Variants in SLIT3 observed in about 807,000 individuals in gnomAD.
SLIT3 encodes slit homolog 3 protein.
A neutral mutation model predicts 184.0 loss-of-function variants in SLIT3; 68 were observed. The ratio of observed to expected loss-of-function variants is 0.37; its 90% CI spans 0.30 to 0.45. The LOEUF is 0.45. SLIT3 is among the 20% of genes least tolerant of loss of function. SLIT3 has a pLI of 1.00. For synonymous variants in SLIT3, 831 were observed against 828.6 expected (o/e 1.00, Z -0.05); for missense variants, 1,707 against 2,026.0 (o/e 0.84, Z 3.02).
chr5:169,279,529 ACT>A (rs1271165768), intron 1 of SLIT3, among the ~76,000 whole-genome samples: 2 of 152,130 alleles, frequency 1.3e-5, no homozygotes, highest in African/African-American at 4.8e-5. Flanking sequence ...ATTAGGATGA[ACT>A]CTCTGAAATT....
chr5:169,153,473 T>C (rs894999884), intron 4 of SLIT3, among the ~76,000 whole-genome samples: 4 of 152,234 alleles, frequency 2.6e-5, no homozygotes, highest in South Asian at 2.1e-4. Context: ...TGTATTTTAT[T>C]TGAGCAGCAA....
intron 1 of SLIT3, among the ~76,000 whole-genome samples, chr5:169,272,454 C>T (rs566572949): frequency 2.2e-4 from 34 of 152,218 alleles, no homozygotes; most frequent in Non-Finnish European, 4.8e-4. Context: ...CTGCAGACTT[C>T]ATAATTATGA....
intron 5 of SLIT3, among the ~76,000 whole-genome samples, chr5:168,866,402 C>A (rs1759302311): frequency 6.6e-6 from 1 of 152,212 alleles, no homozygotes; most frequent in Admixed American, 6.5e-5. Context: ...GACCTCCTTG[C>A]CTGACAACAT....
intron 7 of SLIT3, among the ~76,000 whole-genome samples, chr5:168,818,183 T>C (rs1757401883): frequency 6.6e-6 from 1 of 152,176 alleles, no homozygotes; most frequent in Admixed American, 6.5e-5. Context: ...CAATTCTGTC[T>C]GGTGTATTTG....
At chr5:169,082,400 T>C (rs756348900) in intron 4 of SLIT3, among the ~76,000 whole-genome samples, 8 of 152,234 alleles carry the variant, frequency 5.3e-5, no homozygotes, top group Non-Finnish European at 1.0e-4. Flanking sequence ...TTTTAAAATA[T>C]GCCTTACTTA....
At chr5:168,727,860 G>T (rs1763180461) in intron 20 of SLIT3, among the ~76,000 whole-genome samples, 1 of 152,148 alleles carries the variant, frequency 6.6e-6, no homozygotes, top group South Asian at 2.1e-4. Context: ...ACAAACTGTT[G>T]GGCCATAATT....
At chr5:168,884,926 C>A (rs1377877332) in intron 4 of SLIT3, among the ~76,000 whole-genome samples, 1 of 152,052 alleles carries the variant, frequency 6.6e-6, no homozygotes, top group East Asian at 1.9e-4. Flanking sequence ...TACCTGTGGA[C>A]ACTCCATGCT....
At chr5:168,992,886 G>GTGT (rs1172869172) in intron 4 of SLIT3, 2 of 152,240 alleles carry the variant, frequency 1.3e-5, no homozygotes, top group African/African-American at 2.4e-5. Context: ...GGTTGACACA[G>GTGT]TGTTCCCTTG....
At chr5:168,878,816 A>G (rs746694171) in intron 5 of SLIT3, among the ~76,000 whole-genome samples, 3 of 151,570 alleles carry the variant, frequency 2.0e-5, no homozygotes, top group Non-Finnish European at 4.4e-5. Context: ...CTGGGTTCAA[A>G]CAGTTCTCTT....
chr5:168,718,674 C>CCATACA (rs1369610519), intron 23 of SLIT3, among the ~76,000 whole-genome samples: 2 of 69,978 alleles, frequency 2.9e-5, no homozygotes, highest in Non-Finnish European at 6.0e-5. Context: ...TCATATCCAC[C>CCATACA]CATACACACA....
At chr5:168,882,785 T>C (rs1430708843) in intron 5 of SLIT3, among the ~76,000 whole-genome samples, 1 of 152,202 alleles carries the variant, frequency 6.6e-6, no homozygotes, top group Non-Finnish European at 1.5e-5. Flanking sequence ...TAAGTCCCCA[T>C]GCTCTCTCAG....
chr5:168,890,966 C>T (rs1386664007), intron 4 of SLIT3, among the ~76,000 whole-genome samples: 1 of 152,232 alleles, frequency 6.6e-6, no homozygotes, highest in African/African-American at 2.4e-5. Flanking sequence ...GGTTCTGCTA[C>T]TCAACATGCT....
intron 5 of SLIT3, among the ~76,000 whole-genome samples, chr5:168,854,385 T>TC (rs1306195753): frequency 7.2e-6 from 1 of 138,526 alleles, no homozygotes; most frequent in Non-Finnish European, 1.5e-5. Context: ...CTCAACAGTG[T>TC]CCCCACCATT....
At chr5:168,722,401 T>A in intron 22 of SLIT3, 74 bp from the exon 23 acceptor site, 1 of 1,295,938 alleles carries the variant, frequency 7.7e-7, no homozygotes, top group Non-Finnish European at 1.1e-6. Flanking sequence ...GTTCACGTTG[T>A]GAAACAAAGC....
rs114788554 is a variant in SLIT3, at chr5:169,261,789, T to G, written c.198-10330A>C. On this transcript the variant is annotated intron_variant, in intron 1 of 35. Transcript: ENST00000519560. ...AACCTAGAGACCTGCTTCTAACCCA[T>G]GCAACACAAAAAAGGTGGTCGGATG... Among the ~76,000 whole-genome samples, 559 of 152,274 alleles carry G rather than the reference T, an allele frequency of 3.7e-3. 2 individuals are homozygous for G. Among genetic ancestry groups the G allele is most frequent in the African/African-American group, 0.013 (539 of 41,554 alleles).
At chr5:168,756,786 G>T (rs1006936736) in intron 16 of SLIT3, among the ~76,000 whole-genome samples, 1 of 152,190 alleles carries the variant, frequency 6.6e-6, no homozygotes, top group East Asian at 1.9e-4. Context: ...GAGCTTCTTT[G>T]TTGGGGAGGG....
At chr5:168,882,824 TGA>T (rs1760007708) in intron 5 of SLIT3, among the ~76,000 whole-genome samples, 1 of 152,014 alleles carries the variant, frequency 6.6e-6, no homozygotes, top group African/African-American at 2.4e-5. Flanking sequence ...TTAATAAGAG[TGA>T]GAGCTTCAGC....
chr5:168,942,207 T>A (rs1336529152), intron 4 of SLIT3, among the ~76,000 whole-genome samples: 1 of 152,170 alleles, frequency 6.6e-6, no homozygotes, highest in Non-Finnish European at 1.5e-5. Context: ...AAGAAGCTCC[T>A]TTATCTGCCA....
At chr5:168,774,480 A>G (rs1755671011) in intron 12 of SLIT3, 102 bp from the exon 13 acceptor site, 2 of 1,236,802 alleles carry the variant, frequency 1.6e-6, no homozygotes, top group Admixed American at 2.3e-5. Flanking sequence ...CCCATCACTC[A>G]TCCTTGCAGC....
Sources: gnomAD v4.1 joint callset for allele counts (sites outside exome capture counted in the v4.1 genomes callset) on GRCh38, gnomAD v4.1.1 for gene constraint, MANE v1.5 for transcripts, NCBI Gene and HGNC (gene_info 2026-07-23, HGNC 2026-07-21) for gene names.